Variants in ZNF763 observed in about 807,000 individuals in gnomAD.
ZNF763 encodes DNA-binding protein.
Under a neutral mutation model 38.0 loss-of-function variants are expected in ZNF763, and 33 were observed. The ratio of observed to expected loss-of-function variants is 0.87; its 90% confidence interval spans 0.66 to 1.16. The LOEUF (loss-of-function observed/expected upper bound fraction) is 1.16. ZNF763 is among the 50% of genes most tolerant of loss of function. The pLI, the probability that ZNF763 is intolerant of heterozygous loss-of-function variation, is 0.00. For synonymous variants in ZNF763, 155 were observed against 160.1 expected, an observed-to-expected ratio of 0.97 and a Z score of 0.24; for missense variants, 423 against 469.1, an observed-to-expected ratio of 0.90 and a Z score of 0.91.
chr19:11,975,326 C>T (rs1359764848), intron 1 of ZNF763, among the ~76,000 whole-genome samples: 1 of 152,022 alleles, frequency 6.6e-6, no homozygotes, highest in African/African-American at 2.4e-5. Flanking sequence ...GCCCCACCCA[C>T]ACCCCCCAAA....
At chr19:11,967,549 A>G (rs529339720) in intron 1 of ZNF763, among the ~76,000 whole-genome samples, 17 of 151,426 alleles carry the variant, frequency 1.1e-4, no homozygotes, top group Admixed American at 3.3e-4. Context: ...GACTACAGGC[A>G]CCCGCCACCA....
chr19:11,973,011 G>A (rs578070197), intron 1 of ZNF763, among the ~76,000 whole-genome samples: 11 of 151,922 alleles, frequency 7.2e-5, no homozygotes, highest in Non-Finnish European at 1.3e-4. Flanking sequence ...ATGTGAACAC[G>A]ATGGAAATTG....
chr19:11,965,299 T>A (rs914424498), intron 1 of ZNF763, 88 bp downstream of exon 1: 2 of 1,575,062 alleles, frequency 1.3e-6, no homozygotes, highest in Non-Finnish European at 1.7e-6. Context: ...CGGGCCTCCC[T>A]GCGGGCGACT....
chr19:11,969,676 C>T (rs766592876), intron 1 of ZNF763, among the ~76,000 whole-genome samples: 6 of 152,136 alleles, frequency 3.9e-5, no homozygotes, highest in Non-Finnish European at 5.9e-5. Context: ...TGGGATGCAG[C>T]GTCTCAAATC....
At position 11,979,367 on chromosome 19, in the gene ZNF763, G is replaced by C. The variant is rs891601506; in HGVS notation, c.*258G>C. Reference sequence around the variant, plus strand: ...TGGAGAGAAACCCTATGAGTGTAAGGAATGTGGGAAAGCCTTCAGATCTGC... The same window carrying C: ...TGGAGAGAAACCCTATGAGTGTAAGCAATGTGGGAAAGCCTTCAGATCTGC... On this transcript the variant is annotated 3_prime_UTR_variant, in exon 4 of 4. Transcript: ENST00000358987. 13 of 1,607,136 alleles carry C rather than the reference G, an allele frequency of 8.1e-6. No homozygotes were observed. The African/African-American group carries it at 9.5e-5, about 12-fold the overall frequency.
In ZNF763 at chr19:11,980,143, A is replaced by G; in HGVS notation, c.*1034A>G. On this transcript the variant is annotated 3_prime_UTR_variant, in exon 4 of 4. Transcript: ENST00000358987. ...ATGGTAGGACTCACACTGGATAGAA[A>G]CCAAAGCAGGTGAATCACCTGAGGT... is the stretch of plus-strand genomic sequence containing the variant. 1 of 762,698 alleles carries G rather than the reference A, an allele frequency of 1.3e-6. No homozygotes were observed. Among genetic ancestry groups the G allele is most frequent in the Non-Finnish European group, 2.1e-6 (1 of 475,714 alleles). The allele number at this position is 762,698 out of a possible 1,614,324, so 47.2% of individuals were successfully genotyped here. A position where few individuals can be genotyped will look rare whatever the true frequency, so the allele number is the denominator to read the frequency against.
chr19:11,968,207 C>T (rs540429279), intron 1 of ZNF763, among the ~76,000 whole-genome samples: 1 of 152,210 alleles, frequency 6.6e-6, no homozygotes, highest in East Asian at 1.9e-4. Context: ...ATAAATGTAA[C>T]AGGATTACAT....
chr19:11,965,050 C>T lies in ZNF763; in HGVS notation c.-159C>T. The T allele has an allele frequency of 1.1e-6, 1 of 897,326 alleles. No homozygotes were observed. The allele number at this position is 897,326 out of a possible 1,614,324, so 55.6% of individuals were successfully genotyped here. On this transcript the variant is annotated 5_prime_UTR_variant, in exon 1 of 4. Coordinates refer to ENST00000358987, the MANE Select transcript of ZNF763 (RefSeq NM_001367172.2). ...GAGTGGGTCGCATTCCTGTCCTCAC[C>T]TTTGTCCTTGCGCAGCCGGTGGTTG...
chr19:11,977,477 T>C (rs559994523), intron 3 of ZNF763, 46 bp downstream of exon 3: 1 of 1,592,318 alleles, frequency 6.3e-7, no homozygotes, highest in East Asian at 2.2e-5. Flanking sequence ...ATGATTTTAG[T>C]ATATGATAAT....
intron 1 of ZNF763, among the ~76,000 whole-genome samples, chr19:11,967,375 C>T (rs984713979): frequency 6.6e-6 from 1 of 152,070 alleles, no homozygotes; most frequent in Admixed American, 6.6e-5. Flanking sequence ...GAGTTGAAGA[C>T]CAACCTGGCT....
At chr19:11,967,237 T>G (rs1314554419) in intron 1 of ZNF763, among the ~76,000 whole-genome samples, 1 of 152,022 alleles carries the variant, frequency 6.6e-6, no homozygotes, top group African/African-American at 2.4e-5. Flanking sequence ...TTGGGAGGCT[T>G]AAGTGGGAGA....
At chr19:11,971,748 G>A (rs769178250) in intron 1 of ZNF763, among the ~76,000 whole-genome samples, 10 of 151,824 alleles carry the variant, frequency 6.6e-5, no homozygotes, top group Non-Finnish European at 1.0e-4. Context: ...GACTTTTTTG[G>A]GCTTCAAGAA....
chr19:11,968,315 G>A (rs533348145), intron 1 of ZNF763, among the ~76,000 whole-genome samples: 4 of 152,070 alleles, frequency 2.6e-5, no homozygotes, highest in South Asian at 4.2e-4. Flanking sequence ...GCAGTGGTGC[G>A]ATCATGGCTT....
At position 11,965,121 on chromosome 19, in the gene ZNF763, A is replaced by T. The variant is rs1973196393; in HGVS notation, c.-88A>T. 2.5e-6 allele frequency: 4 copies of T among 1,582,770 alleles called. No individual in the cohort carries two copies. The highest frequency in any genetic ancestry group is 3.5e-6 in the Non-Finnish European group (4 of 1,152,678). Reference sequence around the variant, plus strand: ...CGAGAGGGACCTGGTACCTCTACCCAGGTTTCTATCGCTCTGTCTCCTGCG... The same window carrying T: ...CGAGAGGGACCTGGTACCTCTACCCTGGTTTCTATCGCTCTGTCTCCTGCG... On this transcript the variant is annotated 5_prime_UTR_variant, in exon 1 of 4. Coordinates refer to ENST00000358987, the MANE Select transcript of ZNF763 (RefSeq NM_001367172.2).
chr19:11,976,007 C>T (rs2145341065), intron 1 of ZNF763, among the ~76,000 whole-genome samples: 1 of 149,858 alleles, frequency 6.7e-6, no homozygotes, highest in Middle Eastern at 3.4e-3. Flanking sequence ...TCCTGGGCAT[C>T]ATAATGGATG....
intron 1 of ZNF763, among the ~76,000 whole-genome samples, chr19:11,968,745 C>A (rs1174443828): frequency 6.6e-6 from 1 of 152,012 alleles, no homozygotes; most frequent in Non-Finnish European, 1.5e-5. Context: ...AGGGGCCTGG[C>A]GGGATGGCTC....
In ZNF763 at chr19:11,979,474, T is replaced by A; in HGVS notation, c.*365T>A. On this transcript the variant is annotated 3_prime_UTR_variant, in exon 4 of 4. Transcript: ENST00000358987. ...AAAGACCTTATAAATGTAAGACATG[T>A]GGGAAAGGCTTTTATTCTCCCACGT... The A allele has an allele frequency of 6.2e-7, 1 of 1,604,018 alleles. No individual in the cohort carries two copies. Among genetic ancestry groups the A allele is most frequent in the Non-Finnish European group, 8.5e-7 (1 of 1,173,352 alleles).
rs755859050 is a variant in ZNF763, at chr19:11,978,480, G to A, written c.556G>A (p.Gly186Ser). 3 of 1,614,192 alleles carry A rather than the reference G, an allele frequency of 1.9e-6. No individual in the cohort carries two copies. Among genetic ancestry groups the A allele is most frequent in the South Asian group, 1.1e-5 (1 of 91,084 alleles). ...TGGAAAAACCTTTATTTCCCATTCA[G>A]GCATTCGAAGACGCATGGTAATGCA... is the stretch of plus-strand genomic sequence containing the variant. ...ECGKTFISHSGIRRRMVMHSG... is the reference protein window; with the variant it reads ...ECGKTFISHSSIRRRMVMHSG... Residue 186 changes from glycine to serine, a missense_variant, in exon 4 of 4, where the codon GGC (glycine) becomes AGC (serine). Gly to Ser is a moderately conservative substitution (Grantham distance 56, BLOSUM62 0). Coordinates refer to ENST00000358987, the MANE Select transcript of ZNF763 (RefSeq NM_001367172.2).
chr19:11,966,468 G>A (rs1436210431), intron 1 of ZNF763, among the ~76,000 whole-genome samples: 2 of 152,112 alleles, frequency 1.3e-5, no homozygotes, highest in Admixed American at 6.5e-5. Flanking sequence ...TTGCCTTCTG[G>A]GTTCAAGCAA....
Sources: allele counts gnomAD v4.1 joint callset (sites outside exome capture counted in the v4.1 genomes callset), GRCh38; gene constraint gnomAD v4.1.1; transcripts MANE v1.5; gene names NCBI Gene and HGNC (gene_info 2026-07-23, HGNC 2026-07-21).